The following GLS2 variants were observed in gnomAD, a reference collection of about 807,000 sequenced individuals.
GLS2 encodes the protein glutaminase 2.
GLS2 carries 52 observed loss-of-function variants against 79.0 expected under a neutral mutation model. The observed-to-expected ratio is 0.66, with a 90% CI of 0.53 to 0.83. GLS2 has a LOEUF of 0.83. GLS2 is among the 40% of genes least tolerant of loss of function. The probability of loss-of-function intolerance (pLI) is 0.00; values close to 1 mark genes in which losing one functional copy is unlikely to be tolerated. For missense variants in GLS2, 561 were observed against 764.8 expected, an observed-to-expected ratio of 0.73 and a Z score of 3.14; for synonymous variants, 238 against 280.8, an observed-to-expected ratio of 0.85 and a Z score of 1.52.
rs1329539154 is a variant in GLS2 at position 56,488,098 on chromosome 12, C to T, written c.21G>A (p.Leu7=). Residue 7 remains leucine, a synonymous_variant, in exon 1 of 18, where the codon CTG becomes CTA. Transcript: ENST00000311966. MRSMKA[L]QKALSRAGSH... ...TGCCAGCCCGGCTCAGGGCCTTCTGCAGAGCCTTCATGGAGCGCATGCCCC... is the reference window on the plus strand; with the variant it reads ...TGCCAGCCCGGCTCAGGGCCTTCTGTAGAGCCTTCATGGAGCGCATGCCCC... The T allele has an allele frequency of 6.4e-7, 1 of 1,560,028 alleles. No homozygotes were observed. The highest frequency in any genetic ancestry group is 1.2e-5 in the South Asian group (1 of 86,740).
intron 7 of GLS2, 153 bp downstream of exon 7, chr12:56,477,505 CAT>C (rs776773172): frequency 2.3e-5 from 16 of 684,580 alleles, no homozygotes; most frequent in Admixed American, 7.6e-5. Context: ...GTCAGCATAA[CAT>C]GTGGGTCCCT....
chr12:56,487,911 C>A, intron 1 of GLS2, 26 bp downstream of exon 1: 1 of 1,597,432 alleles, frequency 6.3e-7, no homozygotes, highest in Non-Finnish European at 8.5e-7. Context: ...GCAAGCCCGT[C>A]CCCTGCCCTG....
rs966581947 is a variant in GLS2 at position 56,473,685 on chromosome 12, A to G, written c.1225-91T>C. 1.7e-5 allele frequency: 25 copies of G among 1,451,244 alleles called. No homozygotes were observed. In the Admixed American group the frequency reaches 5.0e-4, roughly 29 times the overall value. 89.9% of individuals were successfully genotyped at this position (1,451,244 alleles called of 1,614,324 possible). A position where few individuals can be genotyped will look rare whatever the true frequency, so the allele number is the denominator to read the frequency against. ...GGCTGTACTCTTAACAAGTTTACAA[A>G]TGACTGCATGACCACAATCCACCTC... On this transcript the variant is annotated intron_variant, in intron 12 of 17. Coordinates refer to ENST00000311966, the MANE Select transcript of GLS2 (RefSeq NM_013267.4).
chr12:56,473,683 A>C (rs1274517276), intron 12 of GLS2, 89 bp from the exon 13 acceptor site: 2 of 1,474,314 alleles, frequency 1.4e-6, no homozygotes, highest in Non-Finnish European at 1.8e-6. Flanking sequence ...ACAAGTTTAC[A>C]AATGACTGCA....
intron 8 of GLS2, 92 bp downstream of exon 8, chr12:56,475,850 ACCT>A (rs756917253): frequency 1.1e-4 from 157 of 1,444,006 alleles, no homozygotes; most frequent in Non-Finnish European, 1.4e-4. Context: ...GGGCTGGTGC[ACCT>A]GGTAGTGGGG....
At chr12:56,475,135 C>A in intron 9 of GLS2, 25 bp from the exon 10 acceptor site, 3 of 1,613,670 alleles carry the variant, frequency 1.9e-6, no homozygotes, top group Non-Finnish European at 2.5e-6. Context: ...CAATTTAGTA[C>A]TTGAAGTTGG....
At chr12:56,474,250 CG>C (rs1034444438) in intron 12 of GLS2, 3 of 372,978 alleles carry the variant, frequency 8.0e-6, no homozygotes, top group Non-Finnish European at 1.5e-5. Context: ...CCACCACCCC[CG>C]GCTAATTTTT....
intron 1 of GLS2, among the ~76,000 whole-genome samples, chr12:56,486,091 G>A (rs1189201803): frequency 6.6e-6 from 1 of 150,532 alleles, no homozygotes; most frequent in Non-Finnish European, 1.5e-5. Context: ...GAATAACAGC[G>A]CATTTCCTCT....
intron 1 of GLS2, chr12:56,487,398 TC>T (rs1258372057): frequency 2.0e-5 from 3 of 152,560 alleles, no homozygotes; most frequent in African/African-American, 4.8e-5. Context: ...GTTTGGAAAT[TC>T]CCCCCCATTC....
chr12:56,476,167 T>TG (rs1869794204), intron 7 of GLS2, 190 bp from the exon 8 acceptor site: 4 of 546,622 alleles, frequency 7.3e-6, no homozygotes, highest in Non-Finnish European at 9.6e-6. Context: ...TTCTCTTTCT[T>TG]TTTTTTGAGA....
chr12:56,473,758 C>T (rs1293150444), intron 12 of GLS2, 164 bp from the exon 13 acceptor site: 2 of 775,776 alleles, frequency 2.6e-6, no homozygotes, highest in Non-Finnish European at 3.8e-6. Context: ...CTGTCCTTTC[C>T]TTCCCTTAAA....
Position 56,472,885 on chromosome 12 carries a change from C to CTTT in GLS2, c.1450-137_1450-135dup, listed in dbSNP as rs952399444. 3.0e-3 allele frequency: 1,210 copies of CTTT among 398,860 alleles called. 1 individual carries two copies. Among genetic ancestry groups the CTTT allele is most frequent in the South Asian group, 5.5e-3 (203 of 37,062 alleles). 24.7% of individuals were successfully genotyped at this position (398,860 alleles called of 1,614,324 possible). ...ATGGAATGTGCTACTCTGAAATATT[C>CTTT]TTTTTTTTTTTTTTTTTTTTGAGAC... On this transcript the variant is annotated intron_variant, in intron 14 of 17. Coordinates refer to ENST00000311966, the MANE Select transcript of GLS2 (RefSeq NM_013267.4).
At chr12:56,472,818 C>G in intron 14 of GLS2, 67 bp from the exon 15 acceptor site, 3 of 1,338,292 alleles carry the variant, frequency 2.2e-6, no homozygotes, top group Non-Finnish European at 3.2e-6. Flanking sequence ...CCCTGTGACC[C>G]TCCTCCATGG....
chr12:56,480,795 A>C (rs1229674892), intron 1 of GLS2, among the ~76,000 whole-genome samples: 1 of 152,176 alleles, frequency 6.6e-6, no homozygotes, highest in African/African-American at 2.4e-5. Flanking sequence ...CCTTAAGTCC[A>C]TGCTTAGTTG....
intron 12 of GLS2, 67 bp downstream of exon 12, chr12:56,474,477 G>T: frequency 6.3e-7 from 1 of 1,588,238 alleles, no homozygotes; most frequent in Non-Finnish European, 8.6e-7. Flanking sequence ...TCTATCTTGA[G>T]AGAGTCAGTG....
chr12:56,479,622 G>A, intron 3 of GLS2, 158 bp downstream of exon 3: 1 of 841,772 alleles, frequency 1.2e-6, no homozygotes, highest in Non-Finnish European at 1.7e-6. Context: ...TATATTGTTT[G>A]AACTCTTATG....
At position 56,472,099 on chromosome 12, in the gene GLS2, C is replaced by T. The variant is rs1028321774; in HGVS notation, c.1588+20G>A. 1.9e-6 allele frequency: 3 copies of T among 1,612,542 alleles called. No homozygotes were observed. The highest frequency in any genetic ancestry group is 2.2e-5 in the South Asian group (2 of 90,916). On this transcript the variant is annotated intron_variant, in intron 16 of 17. Transcript: ENST00000311966. ...GGTCTTATGATTACCCTCCTCCTCCCCTCCTTAACCCTTCAGTACCTTCAG... is the reference window on the plus strand; with the variant it reads ...GGTCTTATGATTACCCTCCTCCTCCTCTCCTTAACCCTTCAGTACCTTCAG...
At chr12:56,473,975 G>T in intron 12 of GLS2, 1 of 185,722 alleles carries the variant, frequency 5.4e-6, no homozygotes, top group Non-Finnish European at 1.1e-5. Context: ...ACATGAGATA[G>T]GGTGGTCAGA....
intron 4 of GLS2, chr12:56,478,497 AAGG>A (rs1870021293): frequency 5.8e-6 from 3 of 520,682 alleles, no homozygotes; most frequent in East Asian, 3.3e-5. Context: ...GAAGTTAAAA[AAGG>A]AGAATTCTGA....
Sources: gnomAD v4.1 joint callset for allele counts (sites outside exome capture counted in the v4.1 genomes callset) on GRCh38, gnomAD v4.1.1 for gene constraint, MANE v1.5 for transcripts, NCBI Gene and HGNC (gene_info 2026-07-23, HGNC 2026-07-21) for gene names.